Variants in ZNF335 observed in about 807,000 individuals in gnomAD.
The protein encoded by ZNF335 is NRC-interacting factor 1.
Under a neutral mutation model 145.6 loss-of-function variants are expected in ZNF335, and 84 were observed. The observed-to-expected ratio is 0.58, with a 90% CI of 0.48 to 0.69. The LOEUF (loss-of-function observed/expected upper bound fraction) is 0.69, where lower values mean the gene tolerates loss of function less well. ZNF335 is among the 30% of genes least tolerant of loss of function. The probability of loss-of-function intolerance (pLI) is 0.00; values close to 1 mark genes in which losing one functional copy is unlikely to be tolerated. For synonymous variants in ZNF335, 761 were observed against 717.0 expected (o/e 1.06, Z -0.98); for missense variants, 1,865 against 1,809.7 (o/e 1.03, Z -0.55).
In ZNF335 at chr20:45,960,362, C is replaced by A; in HGVS notation, c.1866G>T (p.Lys622Asn). 1 of 1,614,202 alleles carries A rather than the reference C, an allele frequency of 6.2e-7. No homozygotes were observed. The highest frequency in any genetic ancestry group is 8.5e-7 in the Non-Finnish European group (1 of 1,180,026). Residue 622 changes from lysine to asparagine, a missense_variant, in exon 14 of 28, where the codon AAG becomes AAT. By Grantham distance (94) the Lys-to-Asn change is moderately conservative. Transcript: ENST00000322927. ...CACAAACAAACTCACAGAACTCACA[C>A]TTGAACCTGGAGGCGGTTAGAGGGA... ...HIQAVANRRF[K>N]CEFCEFVCED...
chr20:45,948,928 A>G lies in ZNF335; in HGVS notation c.*25T>C, dbSNP rs202034945. 5.9e-5 allele frequency: 96 copies of G among 1,613,678 alleles called. No homozygotes were observed. The African/African-American group carries it at 1.0e-3, about 17-fold the overall frequency. ...CCCCAGGAGAGCTGGCCGCAAATCC[A>G]TGATCTGTGTTGGGCCCTCGGGGCT... On this transcript the variant is annotated 3_prime_UTR_variant, in exon 28 of 28. Coordinates refer to ENST00000322927, the MANE Select transcript of ZNF335 (RefSeq NM_022095.4).
chr20:45,964,480 T>A (rs2083912937), intron 7 of ZNF335: 1 of 156,326 alleles, frequency 6.4e-6, no homozygotes, highest in Non-Finnish European at 1.4e-5. Context: ...GAGGGAGATG[T>A]GACTTCCATG....
chr20:45,952,281 ACTT>A lies in ZNF335; in HGVS notation c.3052_3054del (p.Lys1018del), dbSNP rs761673055. 26 of 1,613,342 alleles carry A rather than the reference ACTT, an allele frequency of 1.6e-5. No homozygotes were observed. Among genetic ancestry groups the A allele is most frequent in the African/African-American group, 4.0e-5 (3 of 74,922 alleles). ...GCCTCGGCACAGATCTTGCAGGAAA[ACTT>A]CTTTGATGCAGCAGTGGCTGCAGAT... On this transcript the variant is annotated inframe_deletion, in exon 20 of 28. Transcript: ENST00000322927.
intron 2 of ZNF335, among the ~76,000 whole-genome samples, chr20:45,970,825 A>C (rs1039679375): frequency 1.4e-5 from 2 of 146,072 alleles, no homozygotes; most frequent in Non-Finnish European, 3.0e-5. Context: ...TCCTGGGCTC[A>C]AGTGATCCTC....
At position 45,968,346 on chromosome 20, in the gene ZNF335, G is replaced by T. The variant is rs1331610854; in HGVS notation, c.459C>A (p.Thr153=). 1 of 1,611,950 alleles carries T rather than the reference G, an allele frequency of 6.2e-7. No individual in the cohort carries two copies. Among genetic ancestry groups the T allele is most frequent in the Non-Finnish European group, 8.5e-7 (1 of 1,178,772 alleles). ...TCTCGGCCCCGCCATCCTCAGCACT[G>T]GTCACAGTGATGCAGTCTGGGCAGA... ...PDLIQNCITV[T]SAEDGGAETT... The change falls in exon 4 of 28, where the codon ACC becomes ACA. Residue 153 remains threonine (T), a synonymous_variant. Coordinates refer to ENST00000322927, the MANE Select transcript of ZNF335 (RefSeq NM_022095.4).
intron 1 of ZNF335, 142 bp from the exon 2 acceptor site, chr20:45,971,602 G>C: frequency 1.4e-6 from 2 of 1,436,312 alleles, no homozygotes; most frequent in South Asian, 3.0e-5. Context: ...CTGGTGTATT[G>C]CGAGGGGAGC....
rs1238228078 is a variant in ZNF335 at position 45,972,196 on chromosome 20, A to G, written c.-125T>C. ...CGCCATCCTCTTTCCTCCGCTGCGG[A>G]GGAACCCATCGGCCTATTGTAGGCC... On this transcript the variant is annotated 5_prime_UTR_variant, in exon 1 of 28. Coordinates refer to ENST00000322927, the MANE Select transcript of ZNF335 (RefSeq NM_022095.4). 2 of 1,288,776 alleles carry G rather than the reference A, an allele frequency of 1.6e-6. No individual in the cohort carries two copies. The highest frequency in any genetic ancestry group is 2.0e-6 in the Non-Finnish European group (2 of 988,414). The allele number at this position is 1,288,776 out of a possible 1,614,324, so 79.8% of individuals were successfully genotyped here.
intron 7 of ZNF335, chr20:45,964,294 T>G (rs1029913651): frequency 6.3e-6 from 2 of 317,458 alleles, no homozygotes; most frequent in Non-Finnish European, 1.2e-5. Flanking sequence ...GCTGTGCACC[T>G]ACAGACAAAG....
chr20:45,959,491 G>A lies in ZNF335; in HGVS notation c.2021-58C>T, dbSNP rs1448449280. On this transcript the variant is annotated intron_variant, in intron 14 of 27. Transcript: ENST00000322927. ...GCCCGTCCCTAGCCTACCCCCTCCA[G>A]GAATCCTTTCTTGACCCTAAGGATC... 19 of 1,290,672 alleles carry A rather than the reference G, an allele frequency of 1.5e-5. No homozygotes were observed. In the Admixed American group the frequency reaches 6.7e-4, roughly 46 times the overall value. 80.0% of individuals were successfully genotyped at this position (1,290,672 alleles called of 1,614,324 possible).
intron 18 of ZNF335, 104 bp downstream of exon 18, chr20:45,953,585 G>T: frequency 2.7e-6 from 4 of 1,455,612 alleles, no homozygotes; most frequent in Non-Finnish European, 3.8e-6. Context: ...GATGTGTATT[G>T]GGATTTTTGC....
At chr20:45,956,733 T>G (rs1273940518) in intron 17 of ZNF335, among the ~76,000 whole-genome samples, 1 of 151,150 alleles carries the variant, frequency 6.6e-6, no homozygotes, top group Non-Finnish European at 1.5e-5. Context: ...AAAAAAAAAA[T>G]CGATCCCTAC....
intron 15 of ZNF335, 118 bp downstream of exon 15, chr20:45,959,083 A>AG: frequency 1.2e-6 from 1 of 853,378 alleles, no homozygotes; most frequent in Non-Finnish European, 1.6e-6. Context: ...TGACTCAGTG[A>AG]GTTTTTACCA....
chr20:45,953,961 CA>C lies in ZNF335; in HGVS notation c.2443-14del. 1.3e-6 allele frequency: 2 copies of C among 1,570,546 alleles called. No individual in the cohort carries two copies. Among genetic ancestry groups the C allele is most frequent in the Non-Finnish European group, 1.7e-6 (2 of 1,156,188 alleles). On this transcript the variant is annotated splice_polypyrimidine_tract_variant and intron_variant, in intron 17 of 27. Transcript: ENST00000322927. Reference sequence around the variant, plus strand: ...TCACCACAGCCACCTGCAACGGCACCAGGGGGCGGGATGGGAGGCACTGGTG... The same window carrying C: ...TCACCACAGCCACCTGCAACGGCACCGGGGGCGGGATGGGAGGCACTGGTG...
chr20:45,953,544 T>G, intron 18 of ZNF335, 145 bp downstream of exon 18: 1 of 1,114,322 alleles, frequency 9.0e-7, no homozygotes, highest in Non-Finnish European at 1.3e-6. Flanking sequence ...CTTGACCTCC[T>G]GAGAAGGGTA....
In ZNF335 at chr20:45,964,774, C is replaced by T. The variant is rs140624489; in HGVS notation, c.1103-784G>A. On this transcript the variant is annotated intron_variant, in intron 7 of 27. Coordinates refer to ENST00000322927, the MANE Select transcript of ZNF335 (RefSeq NM_022095.4). ...ACAATAGGCCAAGTGCGGTGGCTCACGCCTGTAATCCCAGCACTTTGGGAG... is the reference window on the plus strand; with the variant it reads ...ACAATAGGCCAAGTGCGGTGGCTCATGCCTGTAATCCCAGCACTTTGGGAG... 3.8e-3 allele frequency among the ~76,000 whole-genome samples: 572 copies of T among 152,188 alleles called. 2 individuals carry two copies. The highest frequency in any genetic ancestry group is 0.013 in the African/African-American group (542 of 41,518).
intron 5 of ZNF335, 33 bp from the exon 6 acceptor site, chr20:45,967,667 C>T: frequency 1.9e-6 from 3 of 1,612,026 alleles, no homozygotes; most frequent in Non-Finnish European, 2.5e-6. Context: ...ACAAGCTTGC[C>T]ATGTCTGGCT....
intron 17 of ZNF335, among the ~76,000 whole-genome samples, chr20:45,956,807 C>T (rs1350122283): frequency 2.6e-5 from 4 of 151,852 alleles, no homozygotes; most frequent in Non-Finnish European, 5.9e-5. Context: ...AAATAAAACC[C>T]TAAGAAAAAA....
intron 15 of ZNF335, 118 bp downstream of exon 15, chr20:45,959,082 GA>G: frequency 1.2e-6 from 1 of 845,992 alleles, no homozygotes; most frequent in Non-Finnish European, 1.6e-6. Flanking sequence ...GTGACTCAGT[GA>G]GTTTTTACCA....
intron 6 of ZNF335, chr20:45,967,253 C>A: frequency 3.4e-6 from 2 of 579,884 alleles, no homozygotes; most frequent in South Asian, 4.1e-5. Flanking sequence ...CGCACCTTTA[C>A]TTGTATTCTA....
Sources: gnomAD v4.1 joint callset for allele counts (sites outside exome capture counted in the v4.1 genomes callset) on GRCh38, gnomAD v4.1.1 for gene constraint, MANE v1.5 for transcripts, NCBI Gene and HGNC (gene_info 2026-07-23, HGNC 2026-07-21) for gene names.